The following GXYLT1 variants were observed in gnomAD, a reference collection of about 807,000 sequenced individuals.
GXYLT1 encodes the protein glycosyltransferase 8 domain containing 3.
GXYLT1 carries 29 observed loss-of-function variants against 54.0 expected under a neutral mutation model. That is an observed-to-expected ratio of 0.54 (90% CI 0.40 to 0.73). GXYLT1 has a LOEUF of 0.73. GXYLT1 is among the 30% of genes least tolerant of loss of function. The pLI is 0.00. For missense variants in GXYLT1, 490 were observed against 553.4 expected, an observed-to-expected ratio of 0.89 and a Z score of 1.15; for synonymous variants, 176 against 204.1, an observed-to-expected ratio of 0.86 and a Z score of 1.17.
chr12:42,087,675 A>C lies in GXYLT1; in HGVS notation c.*111T>G. ...ACTTAACTTCTTTAGGAAAAAAAAA[A>C]TTATTCTGGAGATGAGTAATTCCTT... is the stretch of plus-strand genomic sequence containing the variant. On this transcript the variant is annotated 3_prime_UTR_variant, in exon 8 of 8. Transcript: ENST00000398675. The C allele has an allele frequency of 1.3e-6, 1 of 753,432 alleles. No homozygotes were observed. Among genetic ancestry groups the C allele is most frequent in the Non-Finnish European group, 2.0e-6 (1 of 488,726 alleles). The allele number at this position is 753,432 out of a possible 1,614,324, so 46.7% of individuals were successfully genotyped here.
intron 7 of GXYLT1, among the ~76,000 whole-genome samples, chr12:42,089,789 CTGTAT>C (rs2065319127): frequency 1.3e-5 from 2 of 152,162 alleles, no homozygotes; most frequent in African/African-American, 4.8e-5. Flanking sequence ...GGGGAAAGTG[CTGTAT>C]TGTAAACAGA....
intron 2 of GXYLT1, among the ~76,000 whole-genome samples, chr12:42,120,300 C>T (rs1390459733): frequency 6.6e-6 from 1 of 152,104 alleles, no homozygotes; most frequent in Non-Finnish European, 1.5e-5. Context: ...AAAAAATGTC[C>T]TTCACATTAA....
chr12:42,135,228 G>A (rs1029373895), intron 1 of GXYLT1, among the ~76,000 whole-genome samples: 2 of 152,192 alleles, frequency 1.3e-5, no homozygotes, highest in African/African-American at 4.8e-5. Flanking sequence ...TCCAATGTAT[G>A]GATTGCTCCT....
chr12:42,143,084 G>A (rs2065660899), intron 1 of GXYLT1, among the ~76,000 whole-genome samples: 1 of 152,130 alleles, frequency 6.6e-6, no homozygotes, highest in African/African-American at 2.4e-5. Context: ...AACAAAATTT[G>A]TAAATTTCTG....
At chr12:42,099,665 C>A (rs1401876746) in intron 5 of GXYLT1, among the ~76,000 whole-genome samples, 1 of 152,094 alleles carries the variant, frequency 6.6e-6, no homozygotes, top group Non-Finnish European at 1.5e-5. Context: ...CAAGCCTGGG[C>A]AACATGGTGA....
chr12:42,121,279 G>A (rs984445414), intron 2 of GXYLT1, among the ~76,000 whole-genome samples: 3 of 152,190 alleles, frequency 2.0e-5, no homozygotes, highest in Non-Finnish European at 4.4e-5. Flanking sequence ...ATAGTCATAT[G>A]CTGTTTTGTA....
At chr12:42,089,884 T>G (rs1217565553) in intron 7 of GXYLT1, among the ~76,000 whole-genome samples, 1 of 152,174 alleles carries the variant, frequency 6.6e-6, no homozygotes, top group East Asian at 1.9e-4. Context: ...CAAGAAATAT[T>G]TCAATGTGCA....
At chr12:42,121,669 A>G (rs76715893) in intron 2 of GXYLT1, among the ~76,000 whole-genome samples, 1 of 150,348 alleles carries the variant, frequency 6.7e-6, no homozygotes, top group Non-Finnish European at 1.5e-5. Flanking sequence ...AAAAAAAAAA[A>G]TCCCTCTAAA....
At chr12:42,100,656 T>A (rs1190274497) in intron 5 of GXYLT1, among the ~76,000 whole-genome samples, 1 of 151,782 alleles carries the variant, frequency 6.6e-6, no homozygotes, top group Non-Finnish European at 1.5e-5. Context: ...ATAATCAGAA[T>A]TTTTTTTAAT....
intron 1 of GXYLT1, among the ~76,000 whole-genome samples, chr12:42,140,625 A>G (rs2065647195): frequency 6.6e-6 from 1 of 152,188 alleles, no homozygotes; most frequent in African/African-American, 2.4e-5. Context: ...TCTATTCTTT[A>G]AGTTCTCAGT....
chr12:42,137,203 T>C (rs1177295576), intron 1 of GXYLT1, among the ~76,000 whole-genome samples: 1 of 152,060 alleles, frequency 6.6e-6, no homozygotes, highest in Non-Finnish European at 1.5e-5. Context: ...TGAAACCTCA[T>C]CTCTACTAAA....
chr12:42,140,212 G>GGGGGGA (rs2065644310), intron 1 of GXYLT1, among the ~76,000 whole-genome samples: 1 of 101,446 alleles, frequency 9.9e-6, no homozygotes, highest in Admixed American at 1.1e-4. Context: ...GGGGGGGGGG[G>GGGGGGA]ACTTCACTAA....
In GXYLT1 at chr12:42,084,069, C is replaced by A. The variant is rs577743725; in HGVS notation, c.*3717G>T. 1.4e-4 allele frequency: 21 copies of A among 152,142 alleles called. No individual in the cohort carries two copies. Among genetic ancestry groups the A allele is most frequent in the African/African-American group, 4.8e-4 (20 of 41,422 alleles). The allele number at this position is 152,142 out of a possible 1,614,324, so 9.4% of individuals were successfully genotyped here. ...AACTCTAGTACTAACAAACCAAATA[C>A]AGCAGGCCCTGCTGCCCCATTCCAT... is the stretch of plus-strand genomic sequence containing the variant. On this transcript the variant is annotated 3_prime_UTR_variant, in exon 8 of 8. Transcript: ENST00000398675.
rs141952714 is a variant in GXYLT1, at chr12:42,113,016, A to T, written c.487-3325T>A. 7.6e-3 allele frequency among the ~76,000 whole-genome samples: 1,155 copies of T among 151,368 alleles called. 64 individuals carry two copies. In the East Asian group the frequency reaches 0.1, roughly 13 times the overall value. ...AAAAGTATTTTCAACCCGGAATTTC[A>T]TATCCAGCCAAACTAAGCTTCATAA... On this transcript the variant is annotated intron_variant, in intron 3 of 7. Coordinates refer to ENST00000398675, the MANE Select transcript of GXYLT1 (RefSeq NM_173601.2).
intron 2 of GXYLT1, among the ~76,000 whole-genome samples, chr12:42,121,608 G>T (rs2065531989): frequency 6.6e-6 from 1 of 151,944 alleles, no homozygotes. Context: ...CTCCAGCCTG[G>T]GTGCTGGGCG....
chr12:42,130,621 C>T (rs182486298), intron 1 of GXYLT1, among the ~76,000 whole-genome samples: 2 of 152,300 alleles, frequency 1.3e-5, no homozygotes, highest in East Asian at 3.9e-4. Context: ...AACCCCACTG[C>T]TGTGTGTATA....
intron 3 of GXYLT1, among the ~76,000 whole-genome samples, chr12:42,113,827 T>C (rs2065474842): frequency 6.6e-6 from 1 of 151,068 alleles, no homozygotes; most frequent in South Asian, 2.1e-4. Flanking sequence ...AGAATATACA[T>C]TCTTTTCAGC....
In GXYLT1 at chr12:42,115,882, C is replaced by A. The variant is rs1286950326; in HGVS notation, c.486+3118G>T. ...TCATGCTACCTGACTTCAAACTATA[C>A]TACAAGGCTACAATAACCAAAACAG... On this transcript the variant is annotated intron_variant, in intron 3 of 7. Coordinates refer to ENST00000398675, the MANE Select transcript of GXYLT1 (RefSeq NM_173601.2). Among the ~76,000 whole-genome samples the A allele has an allele frequency of 5.2e-4, 67 of 128,020 alleles. 4 individuals are homozygous for A. Among genetic ancestry groups the A allele is most frequent in the Admixed American group, 1.3e-3 (16 of 12,718 alleles). 84.0% of individuals were successfully genotyped at this position (128,020 alleles called of 152,430 possible).
At chr12:42,113,612 G>A (rs2065473319) in intron 3 of GXYLT1, among the ~76,000 whole-genome samples, 1 of 150,782 alleles carries the variant, frequency 6.6e-6, no homozygotes, top group Admixed American at 6.6e-5. Flanking sequence ...CCCAATACAG[G>A]AGCACCCAGA....
Sources: allele counts gnomAD v4.1 joint callset (sites outside exome capture counted in the v4.1 genomes callset), GRCh38; gene constraint gnomAD v4.1.1; transcripts MANE v1.5; gene names NCBI Gene and HGNC (gene_info 2026-07-23, HGNC 2026-07-21).